The following DCST2 variants were observed in gnomAD, a reference collection of about 807,000 sequenced individuals.
DCST2 encodes DC-STAMP domain-containing protein 2.
A neutral mutation model predicts 81.8 loss-of-function variants in DCST2; 64 were observed. That is an observed-to-expected ratio of 0.78 (90% CI 0.64 to 0.96). DCST2 has a LOEUF of 0.96. DCST2 is among the 40% of genes least tolerant of loss of function. The probability of loss-of-function intolerance (pLI) is 0.00; values close to 1 mark genes in which losing one functional copy is unlikely to be tolerated. For synonymous variants in DCST2, 354 were observed against 402.6 expected, an observed-to-expected ratio of 0.88 and a Z score of 1.44; for missense variants, 945 against 1,001.4, an observed-to-expected ratio of 0.94 and a Z score of 0.76.
Position 155,031,616 on chromosome 1 carries a change from C to G in DCST2, c.697G>C (p.Val233Leu). 6.2e-7 allele frequency: 1 copy of G among 1,613,538 alleles called. No homozygotes were observed. Among genetic ancestry groups the G allele is most frequent in the Non-Finnish European group, 8.5e-7 (1 of 1,179,928 alleles). ...AGCGCCAGTTTGAAGGGCATGAGCACGTAACACAGGTGGTAGGCTTGTGGT... is the reference window on the plus strand; with the variant it reads ...AGCGCCAGTTTGAAGGGCATGAGCAGGTAACACAGGTGGTAGGCTTGTGGT... ...VIPQAYHLCY[V>L]LMPFKLALCG... Residue 233 changes from valine to leucine, a missense_variant, in exon 4 of 15, where the codon GTG (valine) becomes CTG (leucine). Val to Leu is a conservative substitution (Grantham distance 32). Transcript: ENST00000368424.
At chr1:155,021,248 G>A (rs1184502883) in intron 14 of DCST2, among the ~76,000 whole-genome samples, 6 of 151,650 alleles carry the variant, frequency 4.0e-5, no homozygotes, top group Non-Finnish European at 5.9e-5. Flanking sequence ...TGGTCCTCCC[G>A]CCTCAGCCTC....
rs1660174831 is a variant in DCST2 at position 155,033,640 on chromosome 1, C to G, written c.62G>C (p.Arg21Thr). 6.2e-7 allele frequency: 1 copy of G among 1,614,192 alleles called. No individual in the cohort carries two copies. Among genetic ancestry groups the G allele is most frequent in the Non-Finnish European group, 8.5e-7 (1 of 1,180,016 alleles). ...PLGGEEPSMA[R>T]AVVRSVGGFT... is the part of the protein sequence containing the mutation. Reference sequence around the variant, plus strand: ...ACCTCCCACGCTGCGAACCACAGCTCTCGCCATGCTAGGCTCCTCTCCCCC... The same window carrying G: ...ACCTCCCACGCTGCGAACCACAGCTGTCGCCATGCTAGGCTCCTCTCCCCC... The change falls in exon 1 of 15, where the codon AGA becomes ACA. Residue 21 changes from arginine to threonine, a missense_variant. By Grantham distance (71) the Arg-to-Thr change is moderately conservative. Coordinates refer to ENST00000368424, the MANE Select transcript of DCST2 (RefSeq NM_144622.3).
At chr1:155,027,726 C>G (rs942927698) in intron 8 of DCST2, among the ~76,000 whole-genome samples, 3 of 146,890 alleles carry the variant, frequency 2.0e-5, no homozygotes, top group Non-Finnish European at 3.0e-5. Context: ...ATGCCTGGCT[C>G]ATTTTTTTGT....
At chr1:155,032,261 G>C (rs940717635) in intron 3 of DCST2, among the ~76,000 whole-genome samples, 14 of 151,770 alleles carry the variant, frequency 9.2e-5, no homozygotes, top group Non-Finnish European at 1.8e-4. Context: ...CAAAGTGCTG[G>C]GATTACAGGT....
Position 155,031,700 on chromosome 1 carries a change from G to C in DCST2, c.613C>G (p.Pro205Ala), listed in dbSNP as rs547638567. The C allele has an allele frequency of 3.6e-5, 58 of 1,614,158 alleles. No homozygotes were observed. The South Asian group carries it at 6.3e-4, about 17-fold the overall frequency. ...AAAACCCGTGCACACTTCAGGTAAG[G>C]GTTGCCCAGTTCCGAGTTGCACACA... Reference protein sequence around the residue: ...GDVCNSELGNPYLKCARVFDD... With the variant: ...GDVCNSELGNAYLKCARVFDD... Residue 205 changes from proline to alanine, a missense_variant, in exon 4 of 15, where the codon CCT becomes GCT. Transcript: ENST00000368424.
intron 7 of DCST2, 51 bp downstream of exon 7, chr1:155,030,033 G>A (rs898218656): frequency 3.1e-6 from 5 of 1,605,926 alleles, no homozygotes; most frequent in Non-Finnish European, 3.4e-6. Flanking sequence ...CGGGGTGGGG[G>A]GAAGCCCTGG....
intron 8 of DCST2, among the ~76,000 whole-genome samples, chr1:155,027,332 G>A (rs1420866824): frequency 1.4e-5 from 2 of 138,834 alleles, no homozygotes; most frequent in Non-Finnish European, 3.1e-5. Flanking sequence ...GTGAGCCACC[G>A]AGTAAGACCC....
intron 8 of DCST2, among the ~76,000 whole-genome samples, chr1:155,028,825 G>A (rs1286568135): frequency 1.3e-5 from 2 of 148,444 alleles, no homozygotes; most frequent in Non-Finnish European, 3.0e-5. Flanking sequence ...AGCCGAGATG[G>A]CGCCACTGCA....
At chr1:155,030,682 A>T (rs1230198195) in intron 5 of DCST2, 37 bp from the exon 6 acceptor site, 17 of 1,608,440 alleles carry the variant, frequency 1.1e-5, no homozygotes, top group Non-Finnish European at 1.4e-5. Flanking sequence ...GTGGGCAAGG[A>T]GAGTTAGGAG....
chr1:155,018,672 T>C lies in DCST2; in HGVS notation c.2194A>G (p.Ser732Gly). The change falls in exon 15 of 15, where the codon AGC (serine) becomes GGC (glycine). Residue 732 changes from serine to glycine, a missense_variant. Physicochemically the swap from Ser to Gly is moderately conservative, Grantham distance 56. Coordinates refer to ENST00000368424, the MANE Select transcript of DCST2 (RefSeq NM_144622.3). Reference sequence around the variant, plus strand: ...TCAGGTGGTCTGTGGGGCTCAGGGCTGGTGAGAATGCTGACAGGCTGATGG... The same window carrying C: ...TCAGGTGGTCTGTGGGGCTCAGGGCCGGTGAGAATGCTGACAGGCTGATGG... ...EAHQPVSILT[S>G]PEPHRPPETS... The C allele has an allele frequency of 6.2e-7, 1 of 1,613,918 alleles. No individual in the cohort carries two copies. The highest frequency in any genetic ancestry group is 8.5e-7 in the Non-Finnish European group (1 of 1,179,954).
Position 155,023,877 on chromosome 1 carries a change from C to A in DCST2, c.1825G>T (p.Gly609Ter). 6.2e-7 allele frequency: 1 copy of A among 1,613,716 alleles called. No individual in the cohort carries two copies. Among genetic ancestry groups the A allele is most frequent in the Non-Finnish European group, 8.5e-7 (1 of 1,179,934 alleles). Reference sequence around the variant, plus strand: ...CAGGACACAGTGTTCTCCATGTCTCCCTCATCCTGGGGCTGCCCACAGCCC... The same window carrying A: ...CAGGACACAGTGTTCTCCATGTCTCACTCATCCTGGGGCTGCCCACAGCCC... ...CLGCGQPQDE[G>*]DMENTVSCST... Residue 609 changes from glycine (G) to a stop codon, truncating the protein, a stop_gained, in exon 12 of 15, where the codon GGA (glycine) becomes TGA (stop). Coordinates refer to ENST00000368424, the MANE Select transcript of DCST2 (RefSeq NM_144622.3). LOFTEE classifies it high-confidence loss of function.
At chr1:155,029,978 G>T in intron 7 of DCST2, 106 bp downstream of exon 7, 1 of 1,515,514 alleles carries the variant, frequency 6.6e-7, no homozygotes, top group Non-Finnish European at 8.9e-7. Flanking sequence ...CCTGCCCCAA[G>T]CCCATCCTGA....
Position 155,023,878 on chromosome 1 carries a change from C to A in DCST2, c.1824G>T (p.Glu608Asp). ...AGGACACAGTGTTCTCCATGTCTCC[C>A]TCATCCTGGGGCTGCCCACAGCCCA... ...YCLGCGQPQD[E>D]GDMENTVSCS... The change falls in exon 12 of 15, where the codon GAG becomes GAT. Residue 608 changes from glutamate to aspartate, a missense_variant. Transcript: ENST00000368424. The A allele has an allele frequency of 6.2e-7, 1 of 1,613,670 alleles. No homozygotes were observed. Among genetic ancestry groups the A allele is most frequent in the Non-Finnish European group, 8.5e-7 (1 of 1,179,930 alleles).
At position 155,030,622 on chromosome 1, in the gene DCST2, C is replaced by T. The variant is rs770301707; in HGVS notation, c.829G>A (p.Val277Met). The change falls in exon 6 of 15, where the codon GTG becomes ATG. Residue 277 changes from valine (V) to methionine (M), a missense_variant. Coordinates refer to ENST00000368424, the MANE Select transcript of DCST2 (RefSeq NM_144622.3). ...GTPVIQLLNR[V>M]RQEFEFNMTA... The stretch of plus-strand genomic sequence containing the variant: ...ATGTTGAACTCAAACTCCTGACGCA[C>T]CCGGTTGAGCAACTGAATCACGGCT... The T allele has an allele frequency of 3.7e-6, 6 of 1,613,918 alleles. No individual in the cohort carries two copies. In the East Asian group the frequency reaches 6.7e-5, roughly 18 times the overall value.
At chr1:155,022,157 G>A (rs1457445921) in intron 14 of DCST2, among the ~76,000 whole-genome samples, 1 of 152,114 alleles carries the variant, frequency 6.6e-6, no homozygotes, top group East Asian at 1.9e-4. Flanking sequence ...ATGAGCCACC[G>A]TGCCCGGCCC....
At chr1:155,028,971 C>T (rs1659991182) in intron 8 of DCST2, among the ~76,000 whole-genome samples, 1 of 152,030 alleles carries the variant, frequency 6.6e-6, no homozygotes, top group Non-Finnish European at 1.5e-5. Flanking sequence ...GAACCCTGGC[C>T]AGTGTGACTC....
At position 155,026,291 on chromosome 1, in the gene DCST2, G is replaced by T. The variant is rs577576354; in HGVS notation, c.1611+11C>A. ...GGGGCAGGGACTAGCTCCCAGCCCC[G>T]GACCCCTCACCTGCTCCCGGGATGG... On this transcript the variant is annotated intron_variant, in intron 10 of 14. Transcript: ENST00000368424. The T allele has an allele frequency of 4.3e-6, 7 of 1,613,242 alleles. No homozygotes were observed. The highest frequency in any genetic ancestry group is 1.3e-5 in the African/African-American group (1 of 74,886).
intron 14 of DCST2, among the ~76,000 whole-genome samples, chr1:155,021,311 A>AT (rs1659750839): frequency 1.3e-5 from 2 of 151,762 alleles, no homozygotes; most frequent in African/African-American, 4.9e-5. Flanking sequence ...AAGTTTTTGT[A>AT]TTTTTAGTAG....
Position 155,029,499 on chromosome 1 carries a change from G to C in DCST2, c.1178-102C>G, listed in dbSNP as rs975498286. 6 of 1,130,598 alleles carry C rather than the reference G, an allele frequency of 5.3e-6. No homozygotes were observed. The Admixed American group carries it at 1.4e-4, about 26-fold the overall frequency. 70.0% of individuals were successfully genotyped at this position (1,130,598 alleles called of 1,614,324 possible). A position where few individuals can be genotyped will look rare whatever the true frequency, so the allele number is the denominator to read the frequency against. On this transcript the variant is annotated intron_variant, in intron 7 of 14. Transcript: ENST00000368424. ...CCTGCCCCTAATCAGGTGTGGGCCCGTCTGCTCATCAGGAATACGGAAAAG... is the reference window on the plus strand; with the variant it reads ...CCTGCCCCTAATCAGGTGTGGGCCCCTCTGCTCATCAGGAATACGGAAAAG...
Sources: allele counts gnomAD v4.1 joint callset (sites outside exome capture counted in the v4.1 genomes callset), GRCh38; gene constraint gnomAD v4.1.1; transcripts MANE v1.5; gene names NCBI Gene and HGNC (gene_info 2026-07-23, HGNC 2026-07-21).